Variants in DMAC2L observed in about 807,000 individuals in gnomAD.
DMAC2L encodes ATP synthase subunit s, mitochondrial.
DMAC2L carries 21 observed loss-of-function variants against 22.5 expected under a neutral mutation model. The ratio of observed to expected loss-of-function variants is 0.93; its 90% CI spans 0.66 to 1.34. The LOEUF (loss-of-function observed/expected upper bound fraction) is 1.34, where lower values mean the gene tolerates loss of function less well. Ranked by LOEUF, DMAC2L falls within the 40% of genes most tolerant of loss-of-function variation. The probability of loss-of-function intolerance (pLI) is 0.00; values close to 1 mark genes in which losing one functional copy is unlikely to be tolerated. For synonymous variants in DMAC2L, 86 were observed against 89.5 expected (o/e 0.96, Z 0.22); for missense variants, 239 against 246.5 (o/e 0.97, Z 0.20).
intron 4 of DMAC2L, 36 bp from the exon 5 acceptor site, chr14:50,323,909 T>C (rs2032500634): frequency 1.3e-6 from 2 of 1,542,474 alleles, no homozygotes; most frequent in Admixed American, 3.8e-5. Flanking sequence ...ATCTTAGTGG[T>C]AAAGCAGATT....
chr14:50,324,161 G>C (rs776857018), intron 5 of DMAC2L, 45 bp downstream of exon 5: 3 of 1,534,004 alleles, frequency 2.0e-6, no homozygotes, highest in Non-Finnish European at 2.6e-6. Context: ...TGCTGTTAAG[G>C]TGAATAGTTA....
Position 50,326,043 on chromosome 14 carries a change from C to G in DMAC2L, c.*320C>G. Reference sequence around the variant, plus strand: ...TCAGGAGTTCAAGACCAACCATGGCCAACATGGTGAAACCCCATCTCTACT... The same window carrying G: ...TCAGGAGTTCAAGACCAACCATGGCGAACATGGTGAAACCCCATCTCTACT... On this transcript the variant is annotated 3_prime_UTR_variant, in exon 6 of 6. Coordinates refer to ENST00000557421, the MANE Select transcript of DMAC2L (RefSeq NM_001382507.1). The G allele has an allele frequency of 2.1e-6, 1 of 477,790 alleles. No individual in the cohort carries two copies. The highest frequency in any genetic ancestry group is 2.8e-6 in the Non-Finnish European group (1 of 361,682). 29.6% of individuals were successfully genotyped at this position (477,790 alleles called of 1,614,324 possible).
chr14:50,320,713 C>T (rs761344512), intron 2 of DMAC2L, among the ~76,000 whole-genome samples: 3 of 152,142 alleles, frequency 2.0e-5, no homozygotes, highest in Non-Finnish European at 2.9e-5. Flanking sequence ...GTCAGATGCT[C>T]AAAGCAAACA....
chr14:50,326,495 T>C lies in DMAC2L; in HGVS notation c.*772T>C. The C allele has an allele frequency of 3.0e-6, 3 of 985,446 alleles. No homozygotes were observed. Among genetic ancestry groups the C allele is most frequent in the Non-Finnish European group, 3.6e-6 (3 of 829,928 alleles). 61.0% of individuals were successfully genotyped at this position (985,446 alleles called of 1,614,324 possible). A position where few individuals can be genotyped will look rare whatever the true frequency, so the allele number is the denominator to read the frequency against. On this transcript the variant is annotated 3_prime_UTR_variant, in exon 6 of 6. Coordinates refer to ENST00000557421, the MANE Select transcript of DMAC2L (RefSeq NM_001382507.1). ...AATTATGCAAAGTGGTCAGTGGTTG[T>C]TGAAGCATGCATTGCTTCAACAGGA...
At chr14:50,323,622 G>A (rs930715639) in intron 4 of DMAC2L, among the ~76,000 whole-genome samples, 3 of 149,294 alleles carry the variant, frequency 2.0e-5, no homozygotes, top group African/African-American at 4.9e-5. Flanking sequence ...TTGAATTCCC[G>A]ACCTCAGGTG....
At chr14:50,316,455 T>C (rs1478336736) in intron 2 of DMAC2L, among the ~76,000 whole-genome samples, 2 of 152,232 alleles carry the variant, frequency 1.3e-5, no homozygotes, top group Non-Finnish European at 2.9e-5. Flanking sequence ...TTCTTGGTCA[T>C]GAAACCCTTG....
intron 2 of DMAC2L, among the ~76,000 whole-genome samples, chr14:50,320,147 A>C (rs576369593): frequency 2.6e-5 from 4 of 152,262 alleles, no homozygotes; most frequent in African/African-American, 9.6e-5. Context: ...GCTGGAGTGC[A>C]GTCTGGTACA....
intron 3 of DMAC2L, 36 bp downstream of exon 3, chr14:50,321,630 A>G (rs2032285444): frequency 6.7e-7 from 1 of 1,485,420 alleles, no homozygotes; most frequent in Non-Finnish European, 9.4e-7. Context: ...AAATGTGGAG[A>G]TGGTTACAGC....
intron 1 of DMAC2L, among the ~76,000 whole-genome samples, chr14:50,314,180 G>T (rs1418031178): frequency 1.3e-5 from 2 of 152,184 alleles, no homozygotes; most frequent in East Asian, 3.9e-4. Context: ...GTTGTGGGAG[G>T]AACCAGGTGG....
chr14:50,314,908 C>T (rs1338933671), intron 2 of DMAC2L, among the ~76,000 whole-genome samples: 1 of 151,988 alleles, frequency 6.6e-6, no homozygotes, highest in African/African-American at 2.4e-5. Context: ...TCCCAAAGTG[C>T]TGGGATTACA....
At chr14:50,311,901 C>T, upstream of DMAC2L, 1 of 1,453,174 alleles carries the variant, frequency 6.9e-7, no homozygotes, top group Non-Finnish European at 9.3e-7. Flanking sequence ...AGGACCCCAA[C>T]CTGCTCTCAC....
chr14:50,323,722 G>A (rs1447296246), intron 4 of DMAC2L, among the ~76,000 whole-genome samples: 2 of 152,328 alleles, frequency 1.3e-5, no homozygotes, highest in South Asian at 4.1e-4. Flanking sequence ...CCTCCAGTGT[G>A]TGGGCATCTG....
At chr14:50,324,306 A>G in intron 5 of DMAC2L, 190 bp downstream of exon 5, 1 of 435,538 alleles carries the variant, frequency 2.3e-6, no homozygotes, top group Admixed American at 4.6e-5. Flanking sequence ...TGTTGTATTG[A>G]ATTTTTTATA....
chr14:50,324,293 T>G, intron 5 of DMAC2L, 177 bp downstream of exon 5: 1 of 503,898 alleles, frequency 2.0e-6, no homozygotes, highest in Non-Finnish European at 3.1e-6. Context: ...CTTAATACAT[T>G]AATGTTGTAT....
chr14:50,315,432 G>C (rs2031695340), intron 2 of DMAC2L, among the ~76,000 whole-genome samples: 1 of 151,342 alleles, frequency 6.6e-6, no homozygotes, highest in African/African-American at 2.4e-5. Flanking sequence ...GGGAGGCCAA[G>C]GCAGGTGGAT....
At position 50,321,592 on chromosome 14, in the gene DMAC2L, T is replaced by G. The variant is rs780960224; in HGVS notation, c.105T>G (p.Asn35Lys). The G allele has an allele frequency of 3.7e-6, 6 of 1,605,422 alleles. No individual in the cohort carries two copies. In the South Asian group the frequency reaches 6.6e-5, roughly 18 times the overall value. Residue 35 changes from asparagine to lysine, a missense_variant and splice_region_variant, in exon 3 of 6, where the codon AAT becomes AAG. Transcript: ENST00000557421. The part of the protein sequence containing the change: ...YFWGWLNAVF[N>K]KVDYDRIRDV... ...GGGGCTGGTTGAATGCAGTGTTTAATAAGTAAGTTACTCTAAATAAAGTGA... is the reference window on the plus strand; with the variant it reads ...GGGGCTGGTTGAATGCAGTGTTTAAGAAGTAAGTTACTCTAAATAAAGTGA...
chr14:50,322,436 A>C, intron 3 of DMAC2L, 75 bp from the exon 4 acceptor site: 3 of 1,433,952 alleles, frequency 2.1e-6, no homozygotes, highest in Non-Finnish European at 2.8e-6. Context: ...GTTCTGTATT[A>C]TTTATGTCAG....
Position 50,325,799 on chromosome 14 carries a change from A to G in DMAC2L, c.*76A>G. The G allele has an allele frequency of 2.6e-6, 4 of 1,512,206 alleles. No homozygotes were observed. Among genetic ancestry groups the G allele is most frequent in the Non-Finnish European group, 3.5e-6 (4 of 1,134,344 alleles). The allele number at this position is 1,512,206 out of a possible 1,614,324, so 93.7% of individuals were successfully genotyped here. A position where few individuals can be genotyped will look rare whatever the true frequency, so the allele number is the denominator to read the frequency against. On this transcript the variant is annotated 3_prime_UTR_variant, in exon 6 of 6. Coordinates refer to ENST00000557421, the MANE Select transcript of DMAC2L (RefSeq NM_001382507.1). ...AAACATCAACTAATATTATATAGTC[A>G]TCAGTAGAATTATAAGGATGCCATA...
At chr14:50,319,331 C>G in intron 2 of DMAC2L, 1 of 1,536,060 alleles carries the variant, frequency 6.5e-7, no homozygotes, top group Non-Finnish European at 8.7e-7. Flanking sequence ...GTTCACATCT[C>G]TCACTGTTCC....
Sources: gnomAD v4.1 joint callset for allele counts (sites outside exome capture counted in the v4.1 genomes callset) on GRCh38, gnomAD v4.1.1 for gene constraint, MANE v1.5 for transcripts, NCBI Gene and HGNC (gene_info 2026-07-23, HGNC 2026-07-21) for gene names.